Variants in SNTG1 observed in about 807,000 individuals in gnomAD.
SNTG1 encodes the protein syntrophin gamma 1.
SNTG1 carries 39 observed loss-of-function variants against 74.7 expected under a neutral mutation model. The ratio of observed to expected loss-of-function variants is 0.52; its 90% CI spans 0.40 to 0.68. The LOEUF (loss-of-function observed/expected upper bound fraction) is 0.68, where lower values mean the gene tolerates loss of function less well. Among genes scored for constraint, SNTG1 ranks in the 30% least tolerant of loss-of-function variants. SNTG1 has a pLI of 0.00. For missense variants in SNTG1, 685 were observed against 609.5 expected, an observed-to-expected ratio of 1.12 and a Z score of -1.30; for synonymous variants, 254 against 217.1, an observed-to-expected ratio of 1.17 and a Z score of -1.49.
chr8:50,646,215 C>G (rs1047042009), intron 13 of SNTG1, among the ~76,000 whole-genome samples: 2 of 152,100 alleles, frequency 1.3e-5, no homozygotes, highest in Admixed American at 1.3e-4. Context: ...TAATACACAG[C>G]CTTACCGGCT....
At chr8:50,655,734 C>G (rs1421850145) in intron 13 of SNTG1, among the ~76,000 whole-genome samples, 2 of 152,174 alleles carry the variant, frequency 1.3e-5, no homozygotes, top group African/African-American at 2.4e-5. Flanking sequence ...TATTTCAAAT[C>G]TTGCATTTCA....
chr8:50,487,529 T>C (rs1412474971), intron 8 of SNTG1, among the ~76,000 whole-genome samples: 1 of 152,134 alleles, frequency 6.6e-6, no homozygotes, highest in Non-Finnish European at 1.5e-5. Flanking sequence ...TGAGTTCATG[T>C]CTTTGGAGGG....
chr8:49,990,100 A>G (rs1339999317), intron 1 of SNTG1, among the ~76,000 whole-genome samples: 1 of 151,962 alleles, frequency 6.6e-6, no homozygotes, highest in Non-Finnish European at 1.5e-5. Flanking sequence ...TAGCAAGGGT[A>G]ATTAAGGGGA....
chr8:50,464,902 G>T (rs2093596189), intron 8 of SNTG1, among the ~76,000 whole-genome samples: 1 of 148,580 alleles, frequency 6.7e-6, no homozygotes, highest in South Asian at 2.1e-4. Context: ...AAAATATTGT[G>T]AAAATTACCA....
chr8:49,957,124 C>A (rs16914090), intron 1 of SNTG1, among the ~76,000 whole-genome samples: 16 of 152,142 alleles, frequency 1.1e-4, no homozygotes, highest in Non-Finnish European at 1.6e-4. Flanking sequence ...TAGTCAGTAA[C>A]CTAACCCAGT....
intron 12 of SNTG1, among the ~76,000 whole-genome samples, chr8:50,555,091 A>G (rs1236807030): frequency 6.6e-6 from 1 of 152,154 alleles, no homozygotes; most frequent in Non-Finnish European, 1.5e-5. Context: ...GTGAAGATGC[A>G]AATGTCTCTA....
intron 1 of SNTG1, among the ~76,000 whole-genome samples, chr8:49,977,409 G>T (rs944801238): frequency 6.6e-6 from 1 of 152,108 alleles, no homozygotes; most frequent in Non-Finnish European, 1.5e-5. Context: ...TTTTGAGAGT[G>T]CTCCATCCCA....
At chr8:49,919,330 A>C (rs1806324656) in intron 1 of SNTG1, among the ~76,000 whole-genome samples, 2 of 152,104 alleles carry the variant, frequency 1.3e-5, no homozygotes, top group Non-Finnish European at 2.9e-5. Flanking sequence ...TTAGTTATTG[A>C]CTAATATCTG....
At chr8:50,421,145 G>C (rs1323690468) in intron 4 of SNTG1, among the ~76,000 whole-genome samples, 2 of 151,524 alleles carry the variant, frequency 1.3e-5, no homozygotes, top group Admixed American at 6.6e-5. Context: ...TACCAGAAAA[G>C]GGTACCAATC....
chr8:49,995,611 C>T (rs956619451), intron 1 of SNTG1, among the ~76,000 whole-genome samples: 3 of 152,206 alleles, frequency 2.0e-5, no homozygotes, highest in Admixed American at 6.5e-5. Context: ...GGTCCCCTCA[C>T]ACACAAAGTA....
At chr8:50,203,277 G>A (rs1276848099) in intron 2 of SNTG1, among the ~76,000 whole-genome samples, 1 of 152,026 alleles carries the variant, frequency 6.6e-6, no homozygotes, top group African/African-American at 2.4e-5. Context: ...TTACCCATCT[G>A]TTCTTCCATG....
At chr8:50,005,563 C>G (rs990834699) in intron 1 of SNTG1, among the ~76,000 whole-genome samples, 1 of 151,736 alleles carries the variant, frequency 6.6e-6, no homozygotes, top group Non-Finnish European at 1.5e-5. Context: ...TGAAAATAAA[C>G]TAAAAATATG....
At chr8:50,634,023 G>A (rs1359965566) in intron 13 of SNTG1, among the ~76,000 whole-genome samples, 1 of 152,120 alleles carries the variant, frequency 6.6e-6, no homozygotes, top group African/African-American at 2.4e-5. Context: ...CATATGCTGG[G>A]CTTGGGCTAC....
intron 8 of SNTG1, among the ~76,000 whole-genome samples, chr8:50,482,415 G>C (rs2093748359): frequency 6.6e-6 from 1 of 152,140 alleles, no homozygotes; most frequent in African/African-American, 2.4e-5. Flanking sequence ...GCTTTGCAAA[G>C]GAAATGTTTG....
chr8:49,971,318 C>G lies in SNTG1; in HGVS notation c.-103+59087C>G, dbSNP rs111476596. The stretch of plus-strand genomic sequence containing the variant: ...AAGGCCTTTGAAAAATTTCAACAAC[C>G]CTTCATGCTGAAAACTCTCAATAAA... On this transcript the variant is annotated intron_variant, in intron 1 of 18. Coordinates refer to ENST00000642720, the MANE Select transcript of SNTG1 (RefSeq NM_018967.5). 1.6e-4 allele frequency among the ~76,000 whole-genome samples: 25 copies of G among 152,184 alleles called. No homozygotes were observed. In the East Asian group the frequency reaches 1.7e-3, roughly 11 times the overall value.
chr8:49,968,390 G>T (rs1422110138), intron 1 of SNTG1, among the ~76,000 whole-genome samples: 1 of 152,162 alleles, frequency 6.6e-6, no homozygotes, highest in South Asian at 2.1e-4. Context: ...TGTGACTTGA[G>T]AATTACCAAT....
rs561915301 is a variant in SNTG1, at chr8:50,278,385, G to C, written c.-28+105750G>C. Reference sequence around the variant, plus strand: ...CTGGCTTTGTACTTTATGTCTGTCTGTTGGCTTTGGCCTTGTTCTTTCTGC... The same window carrying C: ...CTGGCTTTGTACTTTATGTCTGTCTCTTGGCTTTGGCCTTGTTCTTTCTGC... On this transcript the variant is annotated intron_variant, in intron 2 of 18. Transcript: ENST00000642720. Among the ~76,000 whole-genome samples the C allele has an allele frequency of 9.2e-5, 14 of 152,220 alleles. No homozygotes were observed. The East Asian group carries it at 2.7e-3, about 29-fold the overall frequency.
chr8:50,505,547 C>G (rs1187921872), intron 9 of SNTG1, among the ~76,000 whole-genome samples: 1 of 152,024 alleles, frequency 6.6e-6, no homozygotes, highest in East Asian at 1.9e-4. Flanking sequence ...AGTGGCCATT[C>G]TAATTGTTGT....
chr8:50,487,941 G>A (rs528017786), intron 8 of SNTG1, among the ~76,000 whole-genome samples: 1 of 152,176 alleles, frequency 6.6e-6, no homozygotes, highest in African/African-American at 2.4e-5. Flanking sequence ...TGTTTTGAAT[G>A]TGATAGATAT....
Sources: allele counts gnomAD v4.1 joint callset (sites outside exome capture counted in the v4.1 genomes callset), GRCh38; gene constraint gnomAD v4.1.1; transcripts MANE v1.5; gene names NCBI Gene and HGNC (gene_info 2026-07-23, HGNC 2026-07-21).